Variants in LMOD1 observed in about 807,000 individuals in gnomAD.
LMOD1 encodes the protein leiomodin 1, also known as leiomodin-1.
In LMOD1, 8 loss-of-function variants were observed where a neutral mutation model predicts 36.5. The observed-to-expected ratio is 0.22, with a 90% CI of 0.13 to 0.40. The LOEUF (loss-of-function observed/expected upper bound fraction) is 0.40. Ranked by LOEUF, LMOD1 falls within the 10% of genes least tolerant of loss-of-function variation. The pLI is 1.00. For synonymous variants in LMOD1, 284 were observed against 288.7 expected (o/e 0.98, Z 0.17); for missense variants, 630 against 751.1 (o/e 0.84, Z 1.88).
intron 1 of LMOD1, among the ~76,000 whole-genome samples, chr1:201,902,629 T>C (rs530120612): frequency 5.3e-5 from 8 of 152,072 alleles, no homozygotes; most frequent in Non-Finnish European, 1.2e-4. Context: ...GTATTTTTAG[T>C]AGAGACAGGG....
chr1:201,901,553 CATATATATATGTATATATATAT>C (rs779603669), intron 1 of LMOD1, among the ~76,000 whole-genome samples: 3 of 38,358 alleles, frequency 7.8e-5, no homozygotes, highest in African/African-American at 4.4e-4. Flanking sequence ...TATATATATA[CATATATATATGTATATATATAT>C]ATATATATAC....
intron 1 of LMOD1, among the ~76,000 whole-genome samples, chr1:201,935,135 T>A (rs1337817744): frequency 2.0e-5 from 3 of 152,168 alleles, no homozygotes; most frequent in Admixed American, 6.5e-5. Flanking sequence ...TCTTCCAGCT[T>A]TCAGATAAAC....
At chr1:201,923,981 A>G (rs1200069319) in intron 1 of LMOD1, among the ~76,000 whole-genome samples, 1 of 151,490 alleles carries the variant, frequency 6.6e-6, no homozygotes, top group Non-Finnish European at 1.5e-5. Flanking sequence ...GAAAGAAAAG[A>G]AAGAAAAAGA....
intron 1 of LMOD1, among the ~76,000 whole-genome samples, chr1:201,905,883 C>A (rs573282821): frequency 6.6e-6 from 1 of 152,372 alleles, no homozygotes. Context: ...TGACTGCACC[C>A]TCACAGGTGA....
intron 1 of LMOD1, among the ~76,000 whole-genome samples, chr1:201,908,618 G>A (rs533596064): frequency 1.1e-4 from 16 of 152,176 alleles, no homozygotes; most frequent in African/African-American, 3.9e-4. Flanking sequence ...GCTACAGGGC[G>A]GCCTTCTTGT....
chr1:201,905,694 C>T (rs1367601873), intron 1 of LMOD1, among the ~76,000 whole-genome samples: 1 of 152,184 alleles, frequency 6.6e-6, no homozygotes, highest in African/African-American at 2.4e-5. Context: ...GAGGCATCTC[C>T]CTCTCTGCAG....
intron 1 of LMOD1, among the ~76,000 whole-genome samples, chr1:201,925,412 C>G (rs749917011): frequency 1.1e-4 from 17 of 152,088 alleles, no homozygotes; most frequent in African/African-American, 4.1e-4. Flanking sequence ...GCTTTTATTG[C>G]GCATGGATGA....
rs368753597 is a variant in LMOD1, at chr1:201,921,381, G to A, written c.262-20630C>T. Among the ~76,000 whole-genome samples the A allele has an allele frequency of 2.4e-4, 36 of 150,316 alleles. No individual in the cohort carries two copies. In the East Asian group the frequency reaches 5.0e-3, roughly 21 times the overall value. ...TGCGAGCCTGCAGTCCCAGCTACTC[G>A]TGAGGCTGAGGTTGGAGAACTGCTT... On this transcript the variant is annotated intron_variant, in intron 1 of 2. Coordinates refer to ENST00000367288, the MANE Select transcript of LMOD1 (RefSeq NM_012134.3).
At chr1:201,917,259 C>T (rs1248212642) in intron 1 of LMOD1, among the ~76,000 whole-genome samples, 1 of 152,136 alleles carries the variant, frequency 6.6e-6, no homozygotes, top group Non-Finnish European at 1.5e-5. Flanking sequence ...CAAAAGCCTG[C>T]CAAGAGCCAT....
At chr1:201,933,966 G>A (rs1172985093) in intron 1 of LMOD1, among the ~76,000 whole-genome samples, 1 of 152,138 alleles carries the variant, frequency 6.6e-6, no homozygotes, top group Non-Finnish European at 1.5e-5. Context: ...GGTTTGGCTT[G>A]CAAGTCCAGT....
Position 201,899,576 on chromosome 1 carries a change from C to T in LMOD1, c.1437G>A (p.Leu479=). 2 of 1,613,250 alleles carry T rather than the reference C, an allele frequency of 1.2e-6. No homozygotes were observed. The highest frequency in any genetic ancestry group is 1.1e-5 in the South Asian group (1 of 90,904). ...RNMDKQRQKR[L]QEQRQAQEAK... is the part of the protein sequence containing the mutation. Reference sequence around the variant, plus strand: ...CTTCCTGTGCCTGCCTTTGCTCCTGCAGCCGCTTTTGTCTCTGCTTGTCCA... The same window carrying T: ...CTTCCTGTGCCTGCCTTTGCTCCTGTAGCCGCTTTTGTCTCTGCTTGTCCA... The change falls in exon 2 of 3, where the codon CTG becomes CTA. Residue 479 remains leucine (L), a synonymous_variant. Coordinates refer to ENST00000367288, the MANE Select transcript of LMOD1 (RefSeq NM_012134.3). This position sits in a 1 kb window ranked among gnomAD's most constrained non-coding sequence, Gnocchi z 6.3.
chr1:201,908,585 G>A (rs1414220698), intron 1 of LMOD1, among the ~76,000 whole-genome samples: 1 of 152,132 alleles, frequency 6.6e-6, no homozygotes, highest in Non-Finnish European at 1.5e-5. Context: ...GGGGTTGGGG[G>A]CTTTGGTATA....
chr1:201,941,026 T>C (rs1005608456), intron 1 of LMOD1, among the ~76,000 whole-genome samples: 7 of 151,642 alleles, frequency 4.6e-5, no homozygotes, highest in African/African-American at 1.5e-4. Context: ...GGATTACAGG[T>C]GTGAGCCACC....
intron 1 of LMOD1, among the ~76,000 whole-genome samples, chr1:201,902,503 A>G (rs1407005601): frequency 6.6e-6 from 1 of 151,762 alleles, no homozygotes; most frequent in Non-Finnish European, 1.5e-5. Context: ...GTGGAGTGTG[A>G]TGGCGCAATC....
chr1:201,924,190 G>A (rs1282745401), intron 1 of LMOD1, among the ~76,000 whole-genome samples: 5 of 151,114 alleles, frequency 3.3e-5, no homozygotes, highest in Non-Finnish European at 7.4e-5. Flanking sequence ...CGGGAGCGGT[G>A]GCGGGCACCT....
intron 1 of LMOD1, among the ~76,000 whole-genome samples, chr1:201,906,698 T>C (rs1436111450): frequency 6.6e-6 from 1 of 152,090 alleles, no homozygotes; most frequent in South Asian, 2.1e-4. Context: ...TTTATTGTTT[T>C]CCACCAAAAA....
chr1:201,899,891 G>A lies in LMOD1; in HGVS notation c.1122C>T (p.His374=), dbSNP rs375079882. The A allele has an allele frequency of 1.4e-5, 23 of 1,613,900 alleles. No individual in the cohort carries two copies. The highest frequency in any genetic ancestry group is 6.7e-5 in the East Asian group (3 of 44,890). The change falls in exon 2 of 3, where the codon CAC becomes CAT. Residue 374 remains histidine (H), a synonymous_variant. Coordinates refer to ENST00000367288, the MANE Select transcript of LMOD1 (RefSeq NM_012134.3). The surrounding 1 kb of genome is among the most constrained non-coding windows in gnomAD (Gnocchi z 6.3). ...FALANTRADD[H]VAFAIAIMLK... ...GCATGATGGCAATGGCAAAGGCCAC[G>A]TGGTCATCGGCTCGCGTGTTGGCCA...
At chr1:201,912,732 G>T (rs1333448647) in intron 1 of LMOD1, among the ~76,000 whole-genome samples, 1 of 152,006 alleles carries the variant, frequency 6.6e-6, no homozygotes, top group African/African-American at 2.4e-5. Flanking sequence ...GGTGGCGGGC[G>T]CCTGTAATCC....
chr1:201,922,641 T>TCA (rs1405567905), intron 1 of LMOD1, among the ~76,000 whole-genome samples: 1 of 151,976 alleles, frequency 6.6e-6, no homozygotes, highest in Non-Finnish European at 1.5e-5. Context: ...GAAAATATTC[T>TCA]GGAATCAGGT....
Sources: gnomAD v4.1 joint callset for allele counts (sites outside exome capture counted in the v4.1 genomes callset) on GRCh38, gnomAD v4.1.1 for gene constraint, Gnocchi (gnomAD v3.1) non-coding constraint, MANE v1.5 for transcripts, NCBI Gene and HGNC (gene_info 2026-07-23, HGNC 2026-07-21) for gene names.